SH2B1: variants seen among roughly 807,000 people sequenced by gnomAD.
SH2B1 encodes SH2B adaptor protein 1.
Under a neutral mutation model 62.6 loss-of-function variants are expected in SH2B1, and 15 were observed. The observed-to-expected ratio is 0.24, with a 90% CI of 0.16 to 0.37. The LOEUF is 0.37. SH2B1 is among the 10% of genes least tolerant of loss of function. The pLI is 1.00. For synonymous variants in SH2B1, 443 were observed against 438.0 expected, an observed-to-expected ratio of 1.01 and a Z score of -0.14; for missense variants, 925 against 1,015.6, an observed-to-expected ratio of 0.91 and a Z score of 1.21.
At position 28,872,411 on chromosome 16, in the gene SH2B1, C is replaced by T. The variant is rs1366599235; in HGVS notation, c.1725+10C>T. ...CCAGGGCAAGGCCAAGGTGAGCCAC[C>T]CTGTGGGAAAGGCTCTGTTCTGTGC... On this transcript the variant is annotated intron_variant, in intron 6 of 7. Coordinates refer to ENST00000684370, the MANE Select transcript of SH2B1 (RefSeq NM_001387430.1). This position sits in a 1 kb window ranked among gnomAD's most constrained non-coding sequence, Gnocchi z 5.3. 3.1e-6 allele frequency: 5 copies of T among 1,592,854 alleles called. No individual in the cohort carries two copies. Among genetic ancestry groups the T allele is most frequent in the Non-Finnish European group, 4.3e-6 (5 of 1,168,140 alleles).
chr16:28,851,605 G>A (rs1962100846), intron 1 of SH2B1, among the ~76,000 whole-genome samples: 1 of 151,300 alleles, frequency 6.6e-6, no homozygotes, highest in African/African-American at 2.4e-5. Flanking sequence ...TGGGATTCCA[G>A]GCGCCTGCCA....
In SH2B1 at chr16:28,866,148, GC is replaced by G; in HGVS notation, c.59del (p.Pro20HisfsTer76). 1 of 1,540,396 alleles carries G rather than the reference GC, an allele frequency of 6.5e-7. No homozygotes were observed. On this transcript the variant is annotated frameshift_variant, in exon 1 of 8. Coordinates refer to ENST00000684370, the MANE Select transcript of SH2B1 (RefSeq NM_001387430.1). LOFTEE classifies it high-confidence loss of function. The surrounding 1 kb of genome is among the most constrained non-coding windows in gnomAD (Gnocchi z 6.3). ...DGASPSSPPL[P>X]PPPPPSWREF... ...GGGCCTCCCCCTCGTCTCCCCCGCTGCCCCCACCCCCGCCCCCTAGTTGGCG... is the reference window on the plus strand; with the variant it reads ...GGGCCTCCCCCTCGTCTCCCCCGCTGCCCCACCCCCGCCCCCTAGTTGGCG...
chr16:28,870,846 C>T lies in SH2B1; in HGVS notation c.1310-934C>T, dbSNP rs1311797837. ...CCACAGGCGTGTGCCACCACCACAC[C>T]TAGCTAATTTTTTATTTTTTGTAAG... On this transcript the variant is annotated intron_variant, in intron 4 of 7. Transcript: ENST00000684370. 2.6e-5 allele frequency among the ~76,000 whole-genome samples: 4 copies of T among 152,150 alleles called. No individual in the cohort carries two copies. The East Asian group carries it at 7.7e-4, about 29-fold the overall frequency.
chr16:28,866,734 G>A lies in SH2B1; in HGVS notation c.640G>A (p.Val214Ile). 6.3e-7 allele frequency: 1 copy of A among 1,582,846 alleles called. No individual in the cohort carries two copies. The highest frequency in any genetic ancestry group is 1.3e-5 in the African/African-American group (1 of 74,304). Residue 214 changes from valine (V) to isoleucine (I), a missense_variant, in exon 1 of 8, where the codon GTC becomes ATC. Physicochemically the swap from Val to Ile is conservative, Grantham distance 29. This residue lies in a region of SH2B1 where 683 missense variants were observed against 704.0 expected (regional missense o/e 0.97). Coordinates refer to ENST00000684370, the MANE Select transcript of SH2B1 (RefSeq NM_001387430.1). The surrounding 1 kb of genome is among the most constrained non-coding windows in gnomAD (Gnocchi z 6.3). The stretch of plus-strand genomic sequence containing the variant: ...GGCTGGGACCGTTGGTAGGGGACTG[G>A]TCAGTGATGGAACGTCCCCTGGGGA... ...GGAGTVGRGLVSDGTSPGERW... is the reference protein window; with the variant it reads ...GGAGTVGRGLISDGTSPGERW...
chr16:28,850,723 G>A (rs188275742), intron 1 of SH2B1, among the ~76,000 whole-genome samples: 1 of 151,146 alleles, frequency 6.6e-6, no homozygotes, highest in East Asian at 2.0e-4. Context: ...GCCAGGAGTG[G>A]TGGCACGTGC....
chr16:28,860,798 A>ATTT (rs1212222848), upstream of SH2B1, among the ~76,000 whole-genome samples: 3 of 133,198 alleles, frequency 2.3e-5, no homozygotes, highest in East Asian at 4.4e-4. Flanking sequence ...CTGTTCCAAC[A>ATTT]GTTAGGACTC....
rs762753586 is a variant in SH2B1, at chr16:28,871,844, C to T, written c.1374C>T (p.Ala458=). 7.4e-6 allele frequency: 12 copies of T among 1,613,808 alleles called. No homozygotes were observed. The highest frequency in any genetic ancestry group is 1.3e-5 in the African/African-American group (1 of 75,048). Residue 458 remains alanine, a synonymous_variant, in exon 5 of 8, where the codon GCC becomes GCT. Transcript: ENST00000684370. ...ASISPSSASI[A]ASHFDSMELL... ...TCTCCCCCAGCTCTGCCTCCATTGC[C>T]GCCTCCCATTTTGACTCGATGGAAC...
At chr16:28,853,625 G>A (rs890134751) in intron 1 of SH2B1, among the ~76,000 whole-genome samples, 1 of 151,182 alleles carries the variant, frequency 6.6e-6, no homozygotes, top group African/African-American at 2.4e-5. Context: ...GAAATGCTGG[G>A]ATTTCAGGTG....
intron 1 of SH2B1, among the ~76,000 whole-genome samples, chr16:28,853,015 TATATATGTACATA>T (rs1380059925): frequency 5.8e-5 from 2 of 34,410 alleles, no homozygotes; most frequent in East Asian, 1.3e-3. Flanking sequence ...CATATATATT[TATATATGTACATA>T]TATATGTACA....
chr16:28,860,191 C>T (rs900335362), upstream of SH2B1, among the ~76,000 whole-genome samples: 7 of 152,092 alleles, frequency 4.6e-5, no homozygotes, highest in Non-Finnish European at 7.4e-5. Flanking sequence ...TCTCTGTCCT[C>T]CCCTTTTCAG....
rs1245855878 is a variant in SH2B1 at position 28,852,263 on chromosome 16, T to C, written c.-301+5436T>C. On this transcript the variant is annotated intron_variant, in intron 1 of 10. Transcript: ENST00000322610. The stretch of plus-strand genomic sequence containing the variant: ...ATATATTTACATATATATATTTACA[T>C]ATATATATTTACATATATATATTTA... 2.2e-4 allele frequency among the ~76,000 whole-genome samples: 17 copies of C among 78,022 alleles called. No individual in the cohort carries two copies. The South Asian group carries it at 2.6e-3, about 12-fold the overall frequency. The allele number at this position is 78,022 out of a possible 152,430, so 51.2% of individuals were successfully genotyped here. A position where few individuals can be genotyped will look rare whatever the true frequency, so the allele number is the denominator to read the frequency against.
rs745727475 is a variant in SH2B1, at chr16:28,873,570, C to G, written c.2021C>G (p.Ala674Gly). The G allele has an allele frequency of 1.3e-6, 2 of 1,593,410 alleles. No individual in the cohort carries two copies. The highest frequency in any genetic ancestry group is 1.7e-6 in the Non-Finnish European group (2 of 1,170,400). Residue 674 changes from alanine to glycine, a missense_variant, in exon 8 of 8, where the codon GCC (alanine) becomes GGC (glycine). Ala to Gly is a moderately conservative substitution (Grantham distance 60). Transcript: ENST00000684370. The surrounding 1 kb of genome is among the most constrained non-coding windows in gnomAD (Gnocchi z 4.2). ...PEVAAAAAAA[A>G]KERQEKEKAG... ...GTGGCGGCAGCAGCAGCCGCAGCAG[C>G]CAAAGAGAGGCAAGAGAAAGAGAAA...
At position 28,866,271 on chromosome 16, in the gene SH2B1, G is replaced by C. The variant is rs1018595385; in HGVS notation, c.177G>C (p.Gly59=). 1.4e-5 allele frequency: 22 copies of C among 1,610,474 alleles called. No individual in the cohort carries two copies. Among genetic ancestry groups the C allele is most frequent in the Non-Finnish European group, 1.9e-5 (22 of 1,179,286 alleles). Residue 59 remains glycine, a synonymous_variant, in exon 1 of 8, where the codon GGG becomes GGC. Transcript: ENST00000684370. This position sits in a 1 kb window ranked among gnomAD's most constrained non-coding sequence, Gnocchi z 6.3. ...CCCACCCCCAATATGCGGGGCCCGG[G>C]GCCGAGGCTGCCTTCTCCCGCCGTT... is the stretch of plus-strand genomic sequence containing the variant. ...LASHPQYAGP[G]AEAAFSRRFA...
chr16:28,860,920 G>A (rs369345167), upstream of SH2B1, among the ~76,000 whole-genome samples: 22 of 151,428 alleles, frequency 1.5e-4, no homozygotes, highest in East Asian at 2.3e-3. Context: ...AGGTTCAAGC[G>A]ATTCTCGTGC....
rs1295526617 is a variant in SH2B1, at chr16:28,852,602, TTA to T, written c.-301+5784_-301+5785del. Among the ~76,000 whole-genome samples the T allele has an allele frequency of 4.4e-4, 18 of 41,050 alleles. 2 individuals carry two copies. The highest frequency in any genetic ancestry group is 9.6e-4 in the Admixed American group (2 of 2,094). The allele number at this position is 41,050 out of a possible 152,430, so 26.9% of individuals were successfully genotyped here. ...TATTTATATATATACACATATATAT[TTA>T]TATATATACACATATATATTTATAT... is the stretch of plus-strand genomic sequence containing the variant. On this transcript the variant is annotated intron_variant, in intron 1 of 10. Coordinates refer to the SH2B1 transcript ENST00000322610.
Position 28,864,812 on chromosome 16 carries a change from A to G in SH2B1, c.-1283A>G. The G allele has an allele frequency of 3.0e-6, 1 of 329,762 alleles. No homozygotes were observed. The highest frequency in any genetic ancestry group is 2.2e-5 in the African/African-American group (1 of 44,762). 20.4% of individuals were successfully genotyped at this position (329,762 alleles called of 1,614,324 possible). A position where few individuals can be genotyped will look rare whatever the true frequency, so the allele number is the denominator to read the frequency against. ...TTCTATTTTAGAAAATTGGAACAAT[A>G]ATATTCTTCTCCCACATGAAGATAG... On this transcript the variant is annotated 5_prime_UTR_variant, in exon 1 of 8. The change creates a new upstream start codon in the 5' untranslated region. Coordinates refer to ENST00000684370, the MANE Select transcript of SH2B1 (RefSeq NM_001387430.1).
In SH2B1 at chr16:28,873,696, G is replaced by A; in HGVS notation, c.2147G>A (p.Gly716Asp). 3 of 1,516,294 alleles carry A rather than the reference G, an allele frequency of 2.0e-6. No individual in the cohort carries two copies. The highest frequency in any genetic ancestry group is 1.8e-6 in the Non-Finnish European group (2 of 1,129,582). The allele number at this position is 1,516,294 out of a possible 1,614,324, so 93.9% of individuals were successfully genotyped here. ...ATAGCCCCAGGCTCAGAGGCCCAGG[G>A]CGCTGGGTCTGGTGGGGACGCGGGG... The part of the protein sequence containing the change: ...EAIAPGSEAQ[G>D]AGSGGDAGVP... The change falls in exon 8 of 8, where the codon GGC becomes GAC. Residue 716 changes from glycine (G) to aspartate (D), a missense_variant. Transcript: ENST00000684370. The surrounding 1 kb of genome is among the most constrained non-coding windows in gnomAD (Gnocchi z 4.2).
At chr16:28,860,926 C>T (rs1037849077), upstream of SH2B1, among the ~76,000 whole-genome samples, 2 of 151,390 alleles carry the variant, frequency 1.3e-5, no homozygotes, top group Admixed American at 6.6e-5. Context: ...AAGCGATTCT[C>T]GTGCCTCAGC....
In SH2B1 at chr16:28,872,117, C is replaced by A; in HGVS notation, c.1514-73C>A. The A allele has an allele frequency of 6.7e-7, 1 of 1,494,200 alleles. No homozygotes were observed. Among genetic ancestry groups the A allele is most frequent in the Non-Finnish European group, 9.2e-7 (1 of 1,082,048 alleles). The allele number at this position is 1,494,200 out of a possible 1,614,324, so 92.6% of individuals were successfully genotyped here. On this transcript the variant is annotated intron_variant, in intron 5 of 7. Coordinates refer to ENST00000684370, the MANE Select transcript of SH2B1 (RefSeq NM_001387430.1). The surrounding 1 kb of genome is among the most constrained non-coding windows in gnomAD (Gnocchi z 5.3). ...GGGAGCAGGCGCCTTGAGGGGAAGG[C>A]AAGGCTTTTTTCTCCCAGGATGGGG...
Sources: allele counts gnomAD v4.1 joint callset (sites outside exome capture counted in the v4.1 genomes callset), GRCh38; gene constraint gnomAD v4.1.1; regional missense constraint gnomAD v4.1.1; non-coding constraint Gnocchi (gnomAD v3.1); transcripts MANE v1.5; gene names NCBI Gene and HGNC (gene_info 2026-07-23, HGNC 2026-07-21).